SLC5A8: variants seen among roughly 807,000 people sequenced by gnomAD.
SLC5A8 encodes the protein sodium-coupled monocarboxylate transporter 1.
A neutral mutation model predicts 71.9 loss-of-function variants in SLC5A8; 55 were observed. That is an observed-to-expected ratio of 0.77 (90% CI 0.62 to 0.96). The LOEUF is 0.96. SLC5A8 is among the 40% of genes least tolerant of loss of function. The pLI is 0.00. For synonymous variants in SLC5A8, 307 were observed against 276.1 expected (o/e 1.11, Z -1.11); for missense variants, 701 against 745.3 (o/e 0.94, Z 0.69).
intron 3 of SLC5A8, among the ~76,000 whole-genome samples, chr12:101,195,858 A>T (rs1207552095): frequency 6.6e-6 from 1 of 151,898 alleles, no homozygotes; most frequent in Admixed American, 6.6e-5. Flanking sequence ...CACCATGCCC[A>T]GCTAATTTTT....
intron 2 of SLC5A8, among the ~76,000 whole-genome samples, chr12:101,204,166 C>T (rs879707665): frequency 6.6e-6 from 1 of 152,186 alleles, no homozygotes; most frequent in African/African-American, 2.4e-5. Context: ...CTGTCAGCAA[C>T]AAATATCTTT....
At chr12:101,172,340 C>A (rs113309370) in intron 10 of SLC5A8, among the ~76,000 whole-genome samples, 1,619 of 152,210 alleles carry the variant, frequency 0.011, 16 homozygotes, top group South Asian at 0.023. Context: ...GACATCTTCC[C>A]AAAGGTGGAA....
chr12:101,186,382 G>A (rs1021462786), intron 7 of SLC5A8, among the ~76,000 whole-genome samples: 1 of 152,082 alleles, frequency 6.6e-6, no homozygotes, highest in Non-Finnish European at 1.5e-5. Context: ...GTATTTTTCT[G>A]GGAGCATGAG....
intron 13 of SLC5A8, among the ~76,000 whole-genome samples, chr12:101,160,320 A>G (rs1405640422): frequency 1.3e-5 from 2 of 152,258 alleles, no homozygotes; most frequent in Non-Finnish European, 2.9e-5. Context: ...ATATTTTCCA[A>G]CAACTGAGAA....
chr12:101,159,885 A>C (rs1274211698), intron 13 of SLC5A8, among the ~76,000 whole-genome samples: 1 of 152,164 alleles, frequency 6.6e-6, no homozygotes, highest in Non-Finnish European at 1.5e-5. Context: ...AAAAGATGAA[A>C]ATCTGTCTTA....
At chr12:101,172,462 A>C (rs1180298887) in intron 10 of SLC5A8, among the ~76,000 whole-genome samples, 2 of 152,084 alleles carry the variant, frequency 1.3e-5, no homozygotes, top group Non-Finnish European at 2.9e-5. Context: ...ACAGGAGCCA[A>C]TTTGGAAGCA....
chr12:101,158,590 CTCTCTCTCTATATATATA>C (rs1354085315), intron 13 of SLC5A8, among the ~76,000 whole-genome samples: 33 of 31,544 alleles, frequency 1.0e-3, no homozygotes, highest in African/African-American at 4.2e-3. Context: ...CTCTCTCTCT[CTCTCTCTCTATATATATA>C]TATATATATA....
intron 10 of SLC5A8, among the ~76,000 whole-genome samples, chr12:101,176,300 T>C (rs1433139559): frequency 6.6e-6 from 1 of 151,948 alleles, no homozygotes; most frequent in Admixed American, 6.6e-5. Context: ...TAAGACCCAA[T>C]GCATGAAGCA....
intron 10 of SLC5A8, among the ~76,000 whole-genome samples, chr12:101,170,207 G>A (rs1182815991): frequency 6.6e-6 from 1 of 152,202 alleles, no homozygotes; most frequent in Admixed American, 6.5e-5. Context: ...ACAGGAACAG[G>A]AGGGAGCTTT....
intron 10 of SLC5A8, among the ~76,000 whole-genome samples, chr12:101,179,023 G>A (rs1360357710): frequency 6.6e-6 from 1 of 151,982 alleles, no homozygotes; most frequent in Non-Finnish European, 1.5e-5. Context: ...TATGAAAGAA[G>A]ATACATAGAT....
chr12:101,180,097 C>T lies in SLC5A8; in HGVS notation c.1166-1G>A, dbSNP rs1300028828. The T allele has an allele frequency of 1.2e-6, 2 of 1,614,046 alleles. No homozygotes were observed. Among genetic ancestry groups the T allele is most frequent in the African/African-American group, 1.3e-5 (1 of 75,028 alleles). On this transcript the variant is annotated splice_acceptor_variant, in intron 9 of 14. Coordinates refer to ENST00000536262, the MANE Select transcript of SLC5A8 (RefSeq NM_145913.5). LOFTEE classifies it high-confidence loss of function. ...ATACACAGGGCTCCATACACCACAC[C>T]TAAATGGACAACATAAAAGCCAGTG...
intron 13 of SLC5A8, among the ~76,000 whole-genome samples, chr12:101,159,749 T>C (rs1244518776): frequency 2.6e-5 from 4 of 152,172 alleles, no homozygotes; most frequent in Non-Finnish European, 5.9e-5. Context: ...AAAAGGAGTA[T>C]TCAAAGGAGC....
At chr12:101,190,332 T>C in intron 6 of SLC5A8, 136 bp downstream of exon 6, 3 of 960,720 alleles carry the variant, frequency 3.1e-6, no homozygotes, top group Non-Finnish European at 4.6e-6. Flanking sequence ...GGTCCTTTTG[T>C]AACCAAATAT....
At chr12:101,206,954 T>G (rs1869704187) in intron 1 of SLC5A8, among the ~76,000 whole-genome samples, 1 of 152,216 alleles carries the variant, frequency 6.6e-6, no homozygotes, top group Non-Finnish European at 1.5e-5. Flanking sequence ...ACTAAAGAAA[T>G]GTCAACAGGG....
At chr12:101,177,444 T>C (rs2673676) in intron 10 of SLC5A8, among the ~76,000 whole-genome samples, 27,203 of 94,034 alleles carry the variant, frequency 0.29, 2,800 homozygotes, top group African/African-American at 0.46. Context: ...AGGCAGTATA[T>C]ACACACACAC....
In SLC5A8 at chr12:101,180,725, T is replaced by A. The variant is rs191706248; in HGVS notation, c.1166-629A>T. On this transcript the variant is annotated intron_variant, in intron 9 of 14. Transcript: ENST00000536262. ...TTTTCCCCAGACTTCTTTAAAAAAATTTTTTTTTCATAGAGACGGGGTGTC... is the reference window on the plus strand; with the variant it reads ...TTTTCCCCAGACTTCTTTAAAAAAAATTTTTTTTCATAGAGACGGGGTGTC... Among the ~76,000 whole-genome samples the A allele has an allele frequency of 3.4e-4, 50 of 146,272 alleles. 1 individual carries two copies. The highest frequency in any genetic ancestry group is 8.5e-4 in the African/African-American group (33 of 39,052).
chr12:101,167,293 G>A (rs573859474), intron 11 of SLC5A8, among the ~76,000 whole-genome samples: 2 of 152,202 alleles, frequency 1.3e-5, no homozygotes, highest in South Asian at 4.1e-4. Context: ...TTTCATTGAG[G>A]ATAATAAATA....
intron 12 of SLC5A8, 46 bp downstream of exon 12, chr12:101,166,448 T>TG (rs748289734): frequency 8.2e-5 from 125 of 1,524,702 alleles, no homozygotes; most frequent in Non-Finnish European, 1.0e-4. Context: ...CTCTACTTGT[T>TG]GCGTAAATTT....
intron 7 of SLC5A8, among the ~76,000 whole-genome samples, chr12:101,186,635 A>G (rs1868656559): frequency 6.6e-6 from 1 of 152,186 alleles, no homozygotes; most frequent in African/African-American, 2.4e-5. Context: ...CTAGCTAGTT[A>G]TTCACTTAAC....
Sources: allele counts gnomAD v4.1 joint callset (sites outside exome capture counted in the v4.1 genomes callset), GRCh38; gene constraint gnomAD v4.1.1; transcripts MANE v1.5; gene names NCBI Gene and HGNC (gene_info 2026-07-23, HGNC 2026-07-21).